SPOPL: variants seen among roughly 807,000 people sequenced by gnomAD.
SPOPL encodes speckle type BTB/POZ protein like.
SPOPL carries 23 observed loss-of-function variants against 53.8 expected under a neutral mutation model. That is an observed-to-expected ratio of 0.43 (90% CI 0.31 to 0.61). The LOEUF is 0.61. Ranked by LOEUF, SPOPL falls within the 20% of genes least tolerant of loss-of-function variation. SPOPL has a pLI of 0.12. For missense variants in SPOPL, 442 were observed against 466.9 expected (o/e 0.95, Z 0.49); for synonymous variants, 164 against 149.7 (o/e 1.10, Z -0.70).
chr2:138,545,874 A>G (rs970067369), intron 1 of SPOPL, among the ~76,000 whole-genome samples: 2 of 152,194 alleles, frequency 1.3e-5, no homozygotes, highest in African/African-American at 2.4e-5. Context: ...GTGTATATAC[A>G]TTTTTACATA....
At chr2:138,546,531 C>T (rs1685199175) in intron 1 of SPOPL, among the ~76,000 whole-genome samples, 1 of 152,128 alleles carries the variant, frequency 6.6e-6, no homozygotes, top group Non-Finnish European at 1.5e-5. Context: ...TGTCTTTGTT[C>T]TTTGTTCTAA....
At position 138,569,582 on chromosome 2, in the gene SPOPL, T is replaced by C. The variant is rs1405369609; in HGVS notation, c.*502T>C. 6.6e-6 allele frequency: 1 copy of C among 152,322 alleles called. No individual in the cohort carries two copies. The highest frequency in any genetic ancestry group is 2.4e-5 in the African/African-American group (1 of 41,446). The allele number at this position is 152,322 out of a possible 1,614,324, so 9.4% of individuals were successfully genotyped here. On this transcript the variant is annotated 3_prime_UTR_variant, in exon 11 of 11. Transcript: ENST00000280098. ...GTTCTATAAATATGGGAGAACCCTC[T>C]TACCTTCAAGGTAAGTTATGGCAAT...
Position 138,550,687 on chromosome 2 carries a change from C to T in SPOPL, c.200+83C>T, listed in dbSNP as rs114811318. ...GCTCATGATTTTGTTATCATTTTTC[C>T]TGAATGAGTATTAATGTAATTTCAT... On this transcript the variant is annotated intron_variant, in intron 3 of 10. Coordinates refer to ENST00000280098, the MANE Select transcript of SPOPL (RefSeq NM_001001664.3). The T allele has an allele frequency of 1.5e-4, 232 of 1,517,676 alleles. 2 individuals are homozygous for T. The African/African-American group carries it at 2.9e-3, about 19-fold the overall frequency. The allele number at this position is 1,517,676 out of a possible 1,614,324, so 94.0% of individuals were successfully genotyped here.
At chr2:138,503,575 AAATT>A (rs1429272714) in intron 1 of SPOPL, among the ~76,000 whole-genome samples, 2 of 152,238 alleles carry the variant, frequency 1.3e-5, no homozygotes, top group Non-Finnish European at 2.9e-5. Flanking sequence ...GTTATTGTAT[AAATT>A]AATTCCTTCT....
At chr2:138,537,370 A>G (rs909129816) in intron 1 of SPOPL, among the ~76,000 whole-genome samples, 3 of 152,088 alleles carry the variant, frequency 2.0e-5, no homozygotes, top group African/African-American at 7.2e-5. Flanking sequence ...TGGGGGCTGC[A>G]TGCACCGGTA....
intron 1 of SPOPL, among the ~76,000 whole-genome samples, chr2:138,502,491 T>C (rs1684126178): frequency 6.6e-6 from 1 of 152,200 alleles, no homozygotes; most frequent in Non-Finnish European, 1.5e-5. Flanking sequence ...TTTACCTGAG[T>C]GCTGCCCAAA....
chr2:138,526,436 G>C (rs184409565), intron 1 of SPOPL, among the ~76,000 whole-genome samples: 1 of 152,212 alleles, frequency 6.6e-6, no homozygotes, highest in Admixed American at 6.5e-5. Flanking sequence ...AAATAATTTA[G>C]GGGAGTATCA....
At chr2:138,550,819 C>A in intron 3 of SPOPL, 84 bp from the exon 4 acceptor site, 1 of 1,394,254 alleles carries the variant, frequency 7.2e-7, no homozygotes, top group East Asian at 2.6e-5. Flanking sequence ...AGTGTTCTCT[C>A]TCTCTCTTTC....
At chr2:138,565,232 A>T (rs1170036595) in intron 10 of SPOPL, among the ~76,000 whole-genome samples, 1 of 152,204 alleles carries the variant, frequency 6.6e-6, no homozygotes, top group Non-Finnish European at 1.5e-5. Flanking sequence ...AATGCCATGT[A>T]GTATATAGCA....
intron 1 of SPOPL, among the ~76,000 whole-genome samples, chr2:138,529,081 G>T (rs1359431827): frequency 6.6e-6 from 1 of 152,274 alleles, no homozygotes; most frequent in South Asian, 2.1e-4. Context: ...TGCAAAGTTG[G>T]CTGTGAAGCA....
At chr2:138,512,603 T>A (rs1232197667) in intron 1 of SPOPL, among the ~76,000 whole-genome samples, 2 of 152,238 alleles carry the variant, frequency 1.3e-5, no homozygotes, top group Non-Finnish European at 2.9e-5. Flanking sequence ...GTCATCTTGC[T>A]GAACCACAGT....
intron 1 of SPOPL, among the ~76,000 whole-genome samples, chr2:138,538,735 C>G (rs896431490): frequency 6.6e-6 from 1 of 151,180 alleles, no homozygotes; most frequent in East Asian, 1.9e-4. Context: ...ACCTTCTTAG[C>G]TGTTTTCTTT....
chr2:138,522,989 A>G (rs2104865861), intron 1 of SPOPL, among the ~76,000 whole-genome samples: 1 of 152,352 alleles, frequency 6.6e-6, no homozygotes, highest in Middle Eastern at 3.4e-3. Context: ...AATAAACTAG[A>G]GATGATATTA....
intron 1 of SPOPL, among the ~76,000 whole-genome samples, chr2:138,546,180 T>A (rs1389354062): frequency 1.3e-5 from 2 of 152,252 alleles, no homozygotes; most frequent in African/African-American, 4.8e-5. Context: ...TAGAAAGTCT[T>A]GTGTATGTTT....
At chr2:138,521,705 G>A (rs1684562239) in intron 1 of SPOPL, among the ~76,000 whole-genome samples, 1 of 152,104 alleles carries the variant, frequency 6.6e-6, no homozygotes, top group African/African-American at 2.4e-5. Context: ...ATATCTGGAA[G>A]TCTTTACCCT....
intron 8 of SPOPL, among the ~76,000 whole-genome samples, chr2:138,561,450 G>A (rs190980096): frequency 1.3e-5 from 2 of 151,932 alleles, no homozygotes; most frequent in African/African-American, 4.8e-5. Flanking sequence ...TAAGCCAATG[G>A]TTTTCAATCC....
chr2:138,528,917 G>A (rs556175477), intron 1 of SPOPL, among the ~76,000 whole-genome samples: 1 of 152,220 alleles, frequency 6.6e-6, no homozygotes, highest in South Asian at 2.1e-4. Flanking sequence ...TCTTCTTAGA[G>A]TTAATTTGAG....
intron 1 of SPOPL, among the ~76,000 whole-genome samples, chr2:138,523,154 T>C (rs1393541614): frequency 1.3e-5 from 2 of 152,192 alleles, no homozygotes; most frequent in Non-Finnish European, 2.9e-5. Context: ...TAGTTGGACT[T>C]ACAGTTCCAC....
chr2:138,545,453 A>G (rs1035467636), intron 1 of SPOPL, among the ~76,000 whole-genome samples: 4 of 150,160 alleles, frequency 2.7e-5, no homozygotes, highest in African/African-American at 9.8e-5. Context: ...TTTTTTTTTG[A>G]GACAGAGTCT....
Sources: allele counts gnomAD v4.1 joint callset (sites outside exome capture counted in the v4.1 genomes callset), GRCh38; gene constraint gnomAD v4.1.1; transcripts MANE v1.5; gene names NCBI Gene and HGNC (gene_info 2026-07-23, HGNC 2026-07-21).